The following GAD1 variants were observed in gnomAD, a reference collection of about 807,000 sequenced individuals.
GAD1 encodes the protein 67 kDa glutamic acid decarboxylase.
GAD1 carries 35 observed loss-of-function variants against 75.2 expected under a neutral mutation model. The ratio of observed to expected loss-of-function variants is 0.47; its 90% CI spans 0.36 to 0.62. The LOEUF (loss-of-function observed/expected upper bound fraction) is 0.62. GAD1 is among the 20% of genes least tolerant of loss of function. The probability of loss-of-function intolerance (pLI) is 0.00; values close to 1 mark genes in which losing one functional copy is unlikely to be tolerated. For missense variants in GAD1, 490 were observed against 758.5 expected (o/e 0.65, Z 4.16); for synonymous variants, 257 against 271.9 (o/e 0.95, Z 0.54).
chr2:170,854,396 T>TC (rs1702807092), intron 14 of GAD1, among the ~76,000 whole-genome samples: 1 of 147,864 alleles, frequency 6.8e-6, no homozygotes. Flanking sequence ...AACCTTGAAT[T>TC]CTTTTTTTTT....
rs1430507098 is a variant in GAD1 at position 170,860,792 on chromosome 2, T to C, written c.*910T>C. On this transcript the variant is annotated 3_prime_UTR_variant, in exon 17 of 17. Coordinates refer to ENST00000358196, the MANE Select transcript of GAD1 (RefSeq NM_000817.3). ...ATAATGATTTAAGCATTTTACTGTC[T>C]GTAAGAGAATTCTAAGATTGTACAT... 1.3e-5 allele frequency: 2 copies of C among 152,684 alleles called. No homozygotes were observed. The highest frequency in any genetic ancestry group is 2.9e-5 in the Non-Finnish European group (2 of 68,040). 9.5% of individuals were successfully genotyped at this position (152,684 alleles called of 1,614,324 possible).
At chr2:170,823,389 T>A (rs1338890417) in intron 3 of GAD1, among the ~76,000 whole-genome samples, 1 of 152,214 alleles carries the variant, frequency 6.6e-6, no homozygotes, top group African/African-American at 2.4e-5. Context: ...CCTTCCCTGC[T>A]TGGCCGCGCC....
At chr2:170,858,718 T>G in intron 15 of GAD1, 86 bp from the exon 16 acceptor site, 1 of 1,188,818 alleles carries the variant, frequency 8.4e-7, no homozygotes, top group East Asian at 2.4e-5. Context: ...TCCAAGAGAC[T>G]TCCACCAAGG....
chr2:170,822,452 C>T (rs983572262), intron 3 of GAD1, among the ~76,000 whole-genome samples: 4 of 152,238 alleles, frequency 2.6e-5, no homozygotes, highest in African/African-American at 4.8e-5. Context: ...CGCGCGGCAA[C>T]CCCGCCTTCC....
In GAD1 at chr2:170,844,159, T is replaced by C; in HGVS notation, c.751+2T>C. 1 of 1,463,818 alleles carries C rather than the reference T, an allele frequency of 6.8e-7. No homozygotes were observed. The allele number at this position is 1,463,818 out of a possible 1,614,324, so 90.7% of individuals were successfully genotyped here. A position where few individuals can be genotyped will look rare whatever the true frequency, so the allele number is the denominator to read the frequency against. ...ATGGTGATGGGATATTTTCTCCTGG[T>C]AGGTTTCTCTTCTCTTCCTCTTCTC... On this transcript the variant is annotated splice_donor_variant, in intron 7 of 16. Transcript: ENST00000358196. LOFTEE classifies it high-confidence loss of function.
intron 3 of GAD1, among the ~76,000 whole-genome samples, chr2:170,823,528 T>G (rs1261142329): frequency 2.6e-5 from 4 of 151,952 alleles, no homozygotes; most frequent in Admixed American, 2.6e-4. Flanking sequence ...CCGGGCGGCC[T>G]GGGAGTTTGG....
At chr2:170,859,542 C>G (rs1186819314) in intron 16 of GAD1, among the ~76,000 whole-genome samples, 167 bp from the exon 17 acceptor site, 1 of 152,180 alleles carries the variant, frequency 6.6e-6, no homozygotes, top group East Asian at 1.9e-4. Flanking sequence ...GAACTTGTGA[C>G]CAGGTAGTCA....
chr2:170,814,488 A>C (rs1162080042), upstream of GAD1, among the ~76,000 whole-genome samples: 1 of 152,218 alleles, frequency 6.6e-6, no homozygotes, highest in Non-Finnish European at 1.5e-5. Flanking sequence ...GAGATCATTG[A>C]AAATTAAATC....
chr2:170,814,981 G>A (rs1701669159), upstream of GAD1, among the ~76,000 whole-genome samples: 1 of 152,152 alleles, frequency 6.6e-6, no homozygotes, highest in African/African-American at 2.4e-5. Context: ...GTCTATGCTG[G>A]ACAATGAAGA....
At chr2:170,831,634 G>GTGTGTGTGTA (rs1165758709) in intron 5 of GAD1, among the ~76,000 whole-genome samples, 79 of 132,098 alleles carry the variant, frequency 6.0e-4, no homozygotes, top group African/African-American at 1.7e-3. Flanking sequence ...GTGTGTGTGT[G>GTGTGTGTGTA]TATATACCTA....
At chr2:170,832,663 C>T (rs1303836762) in intron 5 of GAD1, among the ~76,000 whole-genome samples, 9 of 7,088 alleles carry the variant, frequency 1.3e-3, no homozygotes, top group Non-Finnish European at 9.7e-3. Context: ...CGCGCGCGCG[C>T]GCACACACAC....
chr2:170,829,232 G>A (rs367824949), intron 3 of GAD1: 71 of 547,982 alleles, frequency 1.3e-4, no homozygotes, highest in African/African-American at 7.4e-4. Flanking sequence ...AGAGGAGAAC[G>A]GGCTTCACTT....
chr2:170,848,717 T>C (rs1470543238), intron 11 of GAD1: 1 of 518,814 alleles, frequency 1.9e-6, no homozygotes, highest in Non-Finnish European at 3.8e-6. Context: ...AATAGGATCA[T>C]CTGCCTTGCT....
rs1553581581 is a variant in GAD1 at position 170,852,698 on chromosome 2, C to T, written c.1185-16C>T. ...CAACTCCTGCACCTTCTCGAAGTCTCATGTGCTTCTTTCAGGGCCAACTCA... is the reference window on the plus strand; with the variant it reads ...CAACTCCTGCACCTTCTCGAAGTCTTATGTGCTTCTTTCAGGGCCAACTCA... On this transcript the variant is annotated splice_polypyrimidine_tract_variant and intron_variant, in intron 12 of 16. Coordinates refer to ENST00000358196, the MANE Select transcript of GAD1 (RefSeq NM_000817.3). The T allele has an allele frequency of 1.1e-5, 17 of 1,612,710 alleles. No homozygotes were observed. The South Asian group carries it at 1.6e-4, about 16-fold the overall frequency.
chr2:170,853,636 A>T lies in GAD1; in HGVS notation c.1264-237A>T. ...CCCATACACATTTCCCCTTAGAGGG[A>T]TGGCATCTGAGACGGAAAGATCATC... On this transcript the variant is annotated intron_variant, in intron 13 of 16. Coordinates refer to ENST00000358196, the MANE Select transcript of GAD1 (RefSeq NM_000817.3). The surrounding 1 kb of genome is among the most constrained non-coding windows in gnomAD (Gnocchi z 4.1). The T allele has an allele frequency of 2.0e-6, 1 of 504,472 alleles. No individual in the cohort carries two copies. Among genetic ancestry groups the T allele is most frequent in the South Asian group, 2.0e-5 (1 of 49,778 alleles). The allele number at this position is 504,472 out of a possible 1,614,324, so 31.2% of individuals were successfully genotyped here. A position where few individuals can be genotyped will look rare whatever the true frequency, so the allele number is the denominator to read the frequency against.
intron 15 of GAD1, 45 bp downstream of exon 15, chr2:170,857,170 C>T: frequency 6.8e-7 from 1 of 1,467,936 alleles, no homozygotes; most frequent in Non-Finnish European, 9.5e-7. Flanking sequence ...TCCAGAAAAA[C>T]TGCTGAGGGA....
chr2:170,816,669 CT>C (rs910687945), upstream of GAD1: 59 of 149,710 alleles, frequency 3.9e-4, no homozygotes, highest in African/African-American at 9.8e-4. Context: ...CTCATAAGAC[CT>C]TTTTTTTTTC....
intron 16 of GAD1, 44 bp downstream of exon 16, chr2:170,858,937 C>A: frequency 1.3e-6 from 2 of 1,531,376 alleles, no homozygotes; most frequent in Non-Finnish European, 1.8e-6. Context: ...TGCAATTTCT[C>A]TGGCTGGTCA....
In GAD1 at chr2:170,853,410, C is replaced by T. The variant is rs1469412694; in HGVS notation, c.1264-463C>T. The T allele has an allele frequency of 4.3e-5, 9 of 208,316 alleles. No individual in the cohort carries two copies. The highest frequency in any genetic ancestry group is 1.1e-4 in the East Asian group (1 of 9,188). 12.9% of individuals were successfully genotyped at this position (208,316 alleles called of 1,614,324 possible). On this transcript the variant is annotated intron_variant, in intron 13 of 16. Coordinates refer to ENST00000358196, the MANE Select transcript of GAD1 (RefSeq NM_000817.3). The surrounding 1 kb of genome is among the most constrained non-coding windows in gnomAD (Gnocchi z 4.1). The stretch of plus-strand genomic sequence containing the variant: ...CCTGTAGGAGCCAGAATCTGCACAG[C>T]GTCTTTAGTCCACTCATATGTGGAA...
Sources: allele counts gnomAD v4.1 joint callset (sites outside exome capture counted in the v4.1 genomes callset), GRCh38; gene constraint gnomAD v4.1.1; non-coding constraint Gnocchi (gnomAD v3.1); transcripts MANE v1.5; gene names NCBI Gene and HGNC (gene_info 2026-07-23, HGNC 2026-07-21).